TBC1D15: variants seen among roughly 807,000 people sequenced by gnomAD.
The protein encoded by TBC1D15 is TBC1 domain family member 15, also known as GAP for RAB7.
TBC1D15 carries 39 observed loss-of-function variants against 95.4 expected under a neutral mutation model. The ratio of observed to expected loss-of-function variants is 0.41; its 90% CI spans 0.32 to 0.53. The LOEUF (loss-of-function observed/expected upper bound fraction) is 0.53. Ranked by LOEUF, TBC1D15 falls within the 20% of genes least tolerant of loss-of-function variation. The pLI is 0.29. For synonymous variants in TBC1D15, 258 were observed against 261.3 expected, an observed-to-expected ratio of 0.99 and a Z score of 0.12; for missense variants, 733 against 794.3, an observed-to-expected ratio of 0.92 and a Z score of 0.93.
intron 1 of TBC1D15, among the ~76,000 whole-genome samples, chr12:71,845,728 G>A (rs1886120763): frequency 6.6e-6 from 1 of 152,144 alleles, no homozygotes; most frequent in African/African-American, 2.4e-5. Flanking sequence ...TAGCCTGTAA[G>A]TTCACATAAT....
chr12:71,887,192 A>G (rs1429648315), intron 5 of TBC1D15, among the ~76,000 whole-genome samples: 1 of 127,244 alleles, frequency 7.9e-6, no homozygotes, highest in Non-Finnish European at 1.7e-5. Context: ...AACTATTTTT[A>G]CTTGACTACT....
chr12:71,888,793 C>T (rs937293638), intron 5 of TBC1D15, among the ~76,000 whole-genome samples: 3 of 151,432 alleles, frequency 2.0e-5, no homozygotes, highest in Admixed American at 6.6e-5. Flanking sequence ...TTTAGAAGTG[C>T]TCATTTCCTT....
chr12:71,860,028 C>T (rs1366370208), intron 1 of TBC1D15, among the ~76,000 whole-genome samples: 1 of 152,178 alleles, frequency 6.6e-6, no homozygotes, highest in African/African-American at 2.4e-5. Context: ...ACTGTTTCTT[C>T]CTCAATGAAT....
At chr12:71,921,942 T>C (rs1165851714) in intron 16 of TBC1D15, among the ~76,000 whole-genome samples, 1 of 152,202 alleles carries the variant, frequency 6.6e-6, no homozygotes, top group African/African-American at 2.4e-5. Flanking sequence ...TTGATGTGTT[T>C]TAGCTTTTTC....
intron 1 of TBC1D15, among the ~76,000 whole-genome samples, chr12:71,870,987 A>G (rs942325213): frequency 6.6e-6 from 1 of 152,208 alleles, no homozygotes; most frequent in Non-Finnish European, 1.5e-5. Context: ...ATAGAATAAT[A>G]TACACTATTG....
At chr12:71,900,422 G>T (rs1389504157) in intron 10 of TBC1D15, among the ~76,000 whole-genome samples, 1 of 152,054 alleles carries the variant, frequency 6.6e-6, no homozygotes, top group African/African-American at 2.4e-5. Context: ...AAGCTTGTGG[G>T]AGTTATTTGT....
intron 3 of TBC1D15, among the ~76,000 whole-genome samples, chr12:71,879,157 A>G (rs1894615961): frequency 6.9e-6 from 1 of 145,268 alleles, no homozygotes; most frequent in Admixed American, 6.9e-5. Flanking sequence ...TTGGAGACGC[A>G]GTTTCGCTCT....
intron 1 of TBC1D15, among the ~76,000 whole-genome samples, chr12:71,851,858 T>G (rs1369153751): frequency 2.0e-5 from 3 of 152,132 alleles, no homozygotes; most frequent in Non-Finnish European, 4.4e-5. Context: ...TGCCTGTGGC[T>G]TTTCCAGGCT....
chr12:71,848,888 T>C (rs746520903), intron 1 of TBC1D15, among the ~76,000 whole-genome samples: 3 of 152,172 alleles, frequency 2.0e-5, no homozygotes, highest in African/African-American at 4.8e-5. Flanking sequence ...ATTATACTTT[T>C]CTTGTTATGT....
chr12:71,880,236 G>A (rs1441406333), intron 3 of TBC1D15, among the ~76,000 whole-genome samples: 1 of 150,606 alleles, frequency 6.6e-6, no homozygotes, highest in African/African-American at 2.4e-5. Flanking sequence ...GTTGACTTCT[G>A]CTTATATTTC....
chr12:71,921,329 T>G (rs1294673005), intron 15 of TBC1D15, 39 bp from the exon 16 acceptor site: 30 of 1,185,322 alleles, frequency 2.5e-5, no homozygotes, highest in Non-Finnish European at 3.5e-5. Context: ...AATAGTGTAT[T>G]CAGTTTCGAT....
At chr12:71,854,621 T>C (rs1565949394) in intron 1 of TBC1D15, 1 of 456,724 alleles carries the variant, frequency 2.2e-6, no homozygotes, top group Non-Finnish European at 4.4e-6. Context: ...TTAGAGAATG[T>C]GCCAGTAGAT....
chr12:71,902,393 G>A (rs753860064), intron 10 of TBC1D15, among the ~76,000 whole-genome samples: 3 of 152,112 alleles, frequency 2.0e-5, no homozygotes, highest in Non-Finnish European at 4.4e-5. Context: ...ATAAAGCAAC[G>A]AAACATGTTA....
chr12:71,905,356 C>T (rs1410591202), intron 10 of TBC1D15, among the ~76,000 whole-genome samples: 2 of 152,082 alleles, frequency 1.3e-5, no homozygotes, highest in Non-Finnish European at 2.9e-5. Flanking sequence ...GTCGGGGTCT[C>T]ACTGTGTCAC....
At chr12:71,908,854 T>C (rs1414986269) in intron 11 of TBC1D15, among the ~76,000 whole-genome samples, 1 of 152,196 alleles carries the variant, frequency 6.6e-6, no homozygotes, top group African/African-American at 2.4e-5. Context: ...GTCACACAAG[T>C]AAATAATTGG....
At chr12:71,847,010 T>C (rs1886455109) in intron 1 of TBC1D15, among the ~76,000 whole-genome samples, 1 of 152,156 alleles carries the variant, frequency 6.6e-6, no homozygotes, top group African/African-American at 2.4e-5. Context: ...TCCGCTCACC[T>C]TGGCCTCCTA....
rs1870158117 is a variant in TBC1D15 at position 71,923,338 on chromosome 12, C to A, written c.*134C>A. On this transcript the variant is annotated 3_prime_UTR_variant, in exon 17 of 17. Transcript: ENST00000485960. ...TAAAGAAAGTGTACTGATGTTCTTA[C>A]ATTAAAGCTTTACAAAGATTTAAAC... The A allele has an allele frequency of 1.4e-6, 1 of 736,878 alleles. No individual in the cohort carries two copies. The highest frequency in any genetic ancestry group is 2.2e-6 in the Non-Finnish European group (1 of 458,896). The allele number at this position is 736,878 out of a possible 1,614,324, so 45.6% of individuals were successfully genotyped here.
In TBC1D15 at chr12:71,898,278, A is replaced by G. The variant is rs150839861; in HGVS notation, c.1183+337A>G. ...TATTATGAAAGTCTGTTTATTGTAG[A>G]AAAATTAACTGTAGATGAGCAAAAA... On this transcript the variant is annotated intron_variant, in intron 10 of 16. Transcript: ENST00000485960. Among the ~76,000 whole-genome samples the G allele has an allele frequency of 4.1e-3, 625 of 152,216 alleles. 2 individuals carry two copies. Among genetic ancestry groups the G allele is most frequent in the Non-Finnish European group, 6.8e-3 (465 of 67,922 alleles).
At chr12:71,886,550 A>C (rs1414315572) in intron 5 of TBC1D15, among the ~76,000 whole-genome samples, 1 of 152,222 alleles carries the variant, frequency 6.6e-6, no homozygotes, top group Admixed American at 6.5e-5. Flanking sequence ...GGCTTGCCTA[A>C]ATTTAGATTA....
Sources: allele counts gnomAD v4.1 joint callset (sites outside exome capture counted in the v4.1 genomes callset), GRCh38; gene constraint gnomAD v4.1.1; transcripts MANE v1.5; gene names NCBI Gene and HGNC (gene_info 2026-07-23, HGNC 2026-07-21).